ATF3: variants seen among roughly 807,000 people sequenced by gnomAD.
ATF3 encodes cyclic AMP-dependent transcription factor ATF-3.
In ATF3, 10 loss-of-function variants were observed where a neutral mutation model predicts 18.4. The ratio of observed to expected loss-of-function variants is 0.54; its 90% CI spans 0.34 to 0.92. The LOEUF (loss-of-function observed/expected upper bound fraction) is 0.92. Ranked by LOEUF, ATF3 falls within the 40% of genes least tolerant of loss-of-function variation. The pLI, the probability that ATF3 is intolerant of heterozygous loss-of-function variation, is 0.02. For missense variants in ATF3, 183 were observed against 222.3 expected, an observed-to-expected ratio of 0.82 and a Z score of 1.12; for synonymous variants, 78 against 87.9, an observed-to-expected ratio of 0.89 and a Z score of 0.63.
chr1:212,572,414 G>A (rs1187978813), intron 1 of ATF3, among the ~76,000 whole-genome samples: 2 of 109,508 alleles, frequency 1.8e-5, no homozygotes, highest in Non-Finnish European at 4.0e-5. Flanking sequence ...CTACTCAGGA[G>A]GCTGAGGCAG....
At position 212,615,158 on chromosome 1, in the gene ATF3, G is replaced by A. The variant is rs756080956; in HGVS notation, c.137G>A (p.Arg46Lys). ...NLTPFVKEEL[R>K]FAIQNKHLCH... is the part of the protein sequence containing the mutation. ...ACGCCCTTTGTCAAGGAAGAGCTGA[G>A]GTTTGCCATCCAGAACAAGCACCTC... The change falls in exon 2 of 4, where the codon AGG becomes AAG. Residue 46 changes from arginine (R) to lysine (K), a missense_variant. By Grantham distance (26) the Arg-to-Lys change is conservative. Coordinates refer to ENST00000341491, the MANE Select transcript of ATF3 (RefSeq NM_001674.4). 9 of 1,614,210 alleles carry A rather than the reference G, an allele frequency of 5.6e-6. No homozygotes were observed. Among genetic ancestry groups the A allele is most frequent in the Non-Finnish European group, 7.6e-6 (9 of 1,180,046 alleles).
At chr1:212,604,074 C>T (rs1654557823), upstream of ATF3, among the ~76,000 whole-genome samples, 3 of 152,146 alleles carry the variant, frequency 2.0e-5, no homozygotes, top group East Asian at 3.8e-4. Flanking sequence ...GTAAAACTTT[C>T]CCCAAAGAAA....
chr1:212,566,879 C>T (rs1330472074), intron 1 of ATF3, among the ~76,000 whole-genome samples: 2 of 152,108 alleles, frequency 1.3e-5, no homozygotes, highest in African/African-American at 2.4e-5. Context: ...AGTAAAACCT[C>T]GTACGGCGAG....
At chr1:212,598,440 C>T (rs1654380379) in intron 1 of ATF3, among the ~76,000 whole-genome samples, 1 of 152,202 alleles carries the variant, frequency 6.6e-6, no homozygotes, top group East Asian at 1.9e-4. Flanking sequence ...TATCCATCCC[C>T]TTAAGCATTT....
At chr1:212,580,859 C>T (rs1261446483) in intron 1 of ATF3, among the ~76,000 whole-genome samples, 2 of 152,196 alleles carry the variant, frequency 1.3e-5, no homozygotes, top group South Asian at 2.1e-4. Context: ...ACCTTCACCT[C>T]CCGGGTTCAA....
At chr1:212,617,997 A>G in intron 2 of ATF3, 130 bp from the exon 3 acceptor site, 1 of 788,124 alleles carries the variant, frequency 1.3e-6, no homozygotes, top group Non-Finnish European at 2.1e-6. Flanking sequence ...CTAGAGCTTT[A>G]GTATTTCGGG....
intron 1 of ATF3, among the ~76,000 whole-genome samples, chr1:212,579,858 T>C (rs191332308): frequency 1.3e-5 from 2 of 152,254 alleles, no homozygotes; most frequent in East Asian, 1.9e-4. Context: ...AGAAACAGAT[T>C]TGTAGACTGG....
At chr1:212,589,802 CTTTTT>C (rs35586185) in intron 1 of ATF3, among the ~76,000 whole-genome samples, 1 of 143,198 alleles carries the variant, frequency 7.0e-6, no homozygotes, top group Non-Finnish European at 1.5e-5. Context: ...TCTTGGTCAA[CTTTTT>C]TTTTTTTTTT....
chr1:212,609,731 G>T (rs1397835728), intron 1 of ATF3, among the ~76,000 whole-genome samples: 2 of 152,238 alleles, frequency 1.3e-5, no homozygotes. Context: ...GAGACCCACC[G>T]TGGCGGGGAA....
intron 1 of ATF3, among the ~76,000 whole-genome samples, chr1:212,579,313 C>G (rs1368312635): frequency 6.6e-6 from 1 of 152,086 alleles, no homozygotes; most frequent in East Asian, 1.9e-4. Context: ...ACTTCTGGAG[C>G]CTTTTTATTT....
chr1:212,618,757 G>T lies in ATF3; in HGVS notation c.348+523G>T. 1.9e-6 allele frequency: 1 copy of T among 515,586 alleles called. No individual in the cohort carries two copies. Among genetic ancestry groups the T allele is most frequent in the South Asian group, 2.1e-5 (1 of 48,130 alleles). The allele number at this position is 515,586 out of a possible 1,614,324, so 31.9% of individuals were successfully genotyped here. The stretch of plus-strand genomic sequence containing the variant: ...GCCCCTGGCTGCGTTCAGCCGGCCC[G>T]CCTGAGAGACACTAGGGGAAATAGC... On this transcript the variant is annotated intron_variant, in intron 3 of 3. Coordinates refer to ENST00000341491, the MANE Select transcript of ATF3 (RefSeq NM_001674.4). This position sits in a 1 kb window ranked among gnomAD's most constrained non-coding sequence, Gnocchi z 4.4.
intron 1 of ATF3, among the ~76,000 whole-genome samples, chr1:212,613,041 C>G (rs578113679): frequency 6.6e-6 from 1 of 152,156 alleles, no homozygotes; most frequent in African/African-American, 2.4e-5. Context: ...GAAAAAGCCA[C>G]GGGGAGGTAC....
At chr1:212,605,996 T>C (rs1292621103), upstream of ATF3, among the ~76,000 whole-genome samples, 1 of 152,248 alleles carries the variant, frequency 6.6e-6, no homozygotes, top group African/African-American at 2.4e-5. Flanking sequence ...AAAGCTTTTC[T>C]GTCCCCTCCA....
intron 1 of ATF3, among the ~76,000 whole-genome samples, chr1:212,569,982 G>T (rs1053667826): frequency 1.3e-5 from 2 of 152,056 alleles, no homozygotes; most frequent in African/African-American, 4.8e-5. Context: ...TAGACACAAA[G>T]AAATTTTCCA....
At chr1:212,571,275 T>A (rs955441426) in intron 1 of ATF3, among the ~76,000 whole-genome samples, 1 of 152,210 alleles carries the variant, frequency 6.6e-6, no homozygotes, top group African/African-American at 2.4e-5. Context: ...GTGTATGTAT[T>A]TTACATCTAA....
intron 1 of ATF3, among the ~76,000 whole-genome samples, chr1:212,580,671 TA>T (rs1664668433): frequency 6.6e-6 from 1 of 152,244 alleles, no homozygotes; most frequent in South Asian, 2.1e-4. Flanking sequence ...GGACAAACAT[TA>T]AAATCCAGTA....
chr1:212,592,874 A>G (rs1369821811), intron 1 of ATF3, among the ~76,000 whole-genome samples: 1 of 152,150 alleles, frequency 6.6e-6, no homozygotes, highest in Non-Finnish European at 1.5e-5. Context: ...GTTCTTGGTA[A>G]GAGTGGCAAT....
chr1:212,588,917 T>C (rs1427703589), intron 1 of ATF3, among the ~76,000 whole-genome samples: 14 of 152,232 alleles, frequency 9.2e-5, no homozygotes, highest in Admixed American at 9.2e-4. Context: ...TGGCAATAAC[T>C]TCCTTTTCAA....
chr1:212,568,259 G>A (rs1307667797), intron 1 of ATF3, among the ~76,000 whole-genome samples: 1 of 152,084 alleles, frequency 6.6e-6, no homozygotes. Context: ...TTATACATAA[G>A]TTATTCATAA....
Sources: gnomAD v4.1 joint callset for allele counts (sites outside exome capture counted in the v4.1 genomes callset) on GRCh38, gnomAD v4.1.1 for gene constraint, Gnocchi (gnomAD v3.1) non-coding constraint, MANE v1.5 for transcripts, NCBI Gene and HGNC (gene_info 2026-07-23, HGNC 2026-07-21) for gene names.